The following SCN11A variants were observed in gnomAD, a reference collection of about 807,000 sequenced individuals.
SCN11A encodes sodium voltage-gated channel alpha subunit 11.
A neutral mutation model predicts 162.2 loss-of-function variants in SCN11A; 122 were observed. The ratio of observed to expected loss-of-function variants is 0.75; its 90% CI spans 0.65 to 0.87. The LOEUF (loss-of-function observed/expected upper bound fraction) is 0.87. Ranked by LOEUF, SCN11A falls within the 40% of genes least tolerant of loss-of-function variation. The pLI, the probability that SCN11A is intolerant of heterozygous loss-of-function variation, is 0.00. For synonymous variants in SCN11A, 758 were observed against 751.5 expected, an observed-to-expected ratio of 1.01 and a Z score of -0.14; for missense variants, 2,015 against 2,181.6, an observed-to-expected ratio of 0.92 and a Z score of 1.52.
intron 2 of SCN11A, among the ~76,000 whole-genome samples, chr3:38,986,448 C>T (rs917556401): frequency 5.2e-4 from 79 of 152,206 alleles, no homozygotes; most frequent in Non-Finnish European, 1.0e-4. Flanking sequence ...GCTGGACAGA[C>T]CCTGCTTCTG....
chr3:38,946,155 C>T (rs2066513213), intron 6 of SCN11A, among the ~76,000 whole-genome samples: 1 of 152,106 alleles, frequency 6.6e-6, no homozygotes. Flanking sequence ...GTTTTAAGAG[C>T]CTGAAAAGGC....
chr3:38,970,126 G>T (rs6794265), intron 2 of SCN11A, among the ~76,000 whole-genome samples: 8,205 of 152,254 alleles, frequency 0.054, 733 homozygotes, highest in African/African-American at 0.18. Flanking sequence ...TTCTGTAGGG[G>T]AGAGAGCGGA....
At chr3:38,971,919 T>C (rs905269732) in intron 2 of SCN11A, among the ~76,000 whole-genome samples, 2 of 152,090 alleles carry the variant, frequency 1.3e-5, no homozygotes, top group African/African-American at 2.4e-5. Flanking sequence ...ACACTTGTGC[T>C]TCAAAGCTTA....
intron 2 of SCN11A, among the ~76,000 whole-genome samples, chr3:39,020,017 G>C (rs990954853): frequency 6.6e-6 from 1 of 152,138 alleles, no homozygotes; most frequent in Non-Finnish European, 1.5e-5. Context: ...GAGTCAGAAG[G>C]CTGAGGTTTA....
At chr3:39,000,807 C>T (rs4417807) in intron 2 of SCN11A, among the ~76,000 whole-genome samples, 2,127 of 152,158 alleles carry the variant, frequency 0.014, 18 homozygotes, top group Non-Finnish European at 0.018. Flanking sequence ...GAGGCCAAGG[C>T]GGGTGGATCA....
chr3:38,980,328 A>G (rs992363565), intron 2 of SCN11A, among the ~76,000 whole-genome samples: 1 of 152,242 alleles, frequency 6.6e-6, no homozygotes, highest in Non-Finnish European at 1.5e-5. Context: ...CAGGGAAAAG[A>G]ATGGCAGAAA....
At chr3:38,998,620 C>T (rs545421336) in intron 2 of SCN11A, among the ~76,000 whole-genome samples, 23 of 152,050 alleles carry the variant, frequency 1.5e-4, no homozygotes, top group East Asian at 7.7e-4. Context: ...ATGTTTATTG[C>T]GACACTATTC....
chr3:38,895,744 A>G (rs2065586302), intron 18 of SCN11A, among the ~76,000 whole-genome samples: 4 of 151,180 alleles, frequency 2.6e-5, no homozygotes, highest in Admixed American at 2.6e-4. Flanking sequence ...GCTCTCCTCT[A>G]TCTGTCTAAG....
chr3:38,909,918 G>A (rs1170880350), intron 12 of SCN11A, 148 bp downstream of exon 12: 119 of 880,282 alleles, frequency 1.4e-4, no homozygotes, highest in Non-Finnish European at 6.8e-6. Context: ...GAATTTAACA[G>A]TACAACTGTT....
At chr3:39,022,281 C>A (rs968947515) in intron 2 of SCN11A, among the ~76,000 whole-genome samples, 1 of 152,158 alleles carries the variant, frequency 6.6e-6, no homozygotes, top group African/African-American at 2.4e-5. Flanking sequence ...ATATTCATGA[C>A]TTTTCCTATA....
intron 16 of SCN11A, among the ~76,000 whole-genome samples, chr3:38,902,499 A>T (rs1208110178): frequency 6.6e-6 from 1 of 150,718 alleles, no homozygotes; most frequent in Non-Finnish European, 1.5e-5. Flanking sequence ...GATGACAGGT[A>T]CCTGACTCTA....
chr3:38,994,706 T>TGG (rs914872934), intron 2 of SCN11A, among the ~76,000 whole-genome samples: 2 of 152,078 alleles, frequency 1.3e-5, no homozygotes, highest in African/African-American at 2.4e-5. Flanking sequence ...AGCCAAAGCA[T>TGG]GGGGAGTGTT....
At chr3:38,926,346 C>T (rs1354959187) in intron 8 of SCN11A, among the ~76,000 whole-genome samples, 1 of 152,192 alleles carries the variant, frequency 6.6e-6, no homozygotes, top group African/African-American at 2.4e-5. Context: ...ATTTTTTAGA[C>T]TGCTTTGTTC....
intron 23 of SCN11A, among the ~76,000 whole-genome samples, chr3:38,878,047 G>A (rs985543303): frequency 1.3e-5 from 2 of 151,678 alleles, no homozygotes; most frequent in Admixed American, 6.6e-5. Context: ...AGGGATAAAA[G>A]ACTACATTAG....
chr3:38,900,176 C>T, intron 16 of SCN11A, 103 bp from the exon 17 acceptor site: 5 of 844,974 alleles, frequency 5.9e-6, no homozygotes, highest in Non-Finnish European at 9.3e-6. Flanking sequence ...GAAAAGTATT[C>T]TCATGATTGA....
Position 38,847,365 on chromosome 3 carries a change from A to G in SCN11A, c.4705T>C (p.Ser1569Pro). Residue 1569 changes from serine (S) to proline (P), a missense_variant, in exon 30 of 30, where the codon TCT becomes CCT. By Grantham distance (74) the Ser-to-Pro change is moderately conservative. Transcript: ENST00000302328. ...GGGAGGTGGCAGTTTTCTGAGGAAG[A>G]GTTACATGATTCTTTTGATCGCAGC... ...PMLRSKESCNSSSENCHLPGI... is the reference protein window; with the variant it reads ...PMLRSKESCNPSSENCHLPGI... The G allele has an allele frequency of 1.2e-6, 2 of 1,614,186 alleles. No homozygotes were observed. The highest frequency in any genetic ancestry group is 1.7e-6 in the Non-Finnish European group (2 of 1,180,014).
Position 38,880,076 on chromosome 3 carries a change from T to A in SCN11A, c.3267A>T (p.Leu1089Phe). 3.1e-6 allele frequency: 5 copies of A among 1,611,634 alleles called. No individual in the cohort carries two copies. The highest frequency in any genetic ancestry group is 3.4e-6 in the Non-Finnish European group (4 of 1,178,192). ...TAAAAATAATGTCAGTACAATTTAGTAATTCTTGGATTTTGGGTTGGTTCT... is the reference window on the plus strand; with the variant it reads ...TAAAAATAATGTCAGTACAATTTAGAAATTCTTGGATTTTGGGTTGGTTCT... ...HLENQPKIQELLNCTDIIFTH... is the reference protein window; with the variant it reads ...HLENQPKIQEFLNCTDIIFTH... The change falls in exon 23 of 30, where the codon TTA (leucine) becomes TTT (phenylalanine). Residue 1089 changes from leucine (L) to phenylalanine (F), a missense_variant. Physicochemically the swap from Leu to Phe is conservative, Grantham distance 22 (BLOSUM62 0). Coordinates refer to ENST00000302328, the MANE Select transcript of SCN11A (RefSeq NM_001349253.2).
intron 1 of SCN11A, among the ~76,000 whole-genome samples, chr3:39,035,950 T>C (rs1007220358): frequency 8.5e-5 from 13 of 152,324 alleles, no homozygotes; most frequent in African/African-American, 2.9e-4. Flanking sequence ...CATTGAAGTT[T>C]TGACTTGCTA....
At chr3:38,946,981 AT>A in intron 5 of SCN11A, 74 bp from the exon 6 acceptor site, 1 of 848,536 alleles carries the variant, frequency 1.2e-6, no homozygotes, top group South Asian at 1.6e-5. Context: ...ACAAAACAAT[AT>A]TTATCATGAA....
Sources: allele counts gnomAD v4.1 joint callset (sites outside exome capture counted in the v4.1 genomes callset), GRCh38; gene constraint gnomAD v4.1.1; transcripts MANE v1.5; gene names NCBI Gene and HGNC (gene_info 2026-07-23, HGNC 2026-07-21).